Variants in PAX8 observed in about 807,000 individuals in gnomAD.
PAX8 encodes paired box 8.
A neutral mutation model predicts 52.4 loss-of-function variants in PAX8; 15 were observed. That is an observed-to-expected ratio of 0.29 (90% CI 0.19 to 0.44). The LOEUF (loss-of-function observed/expected upper bound fraction) is 0.44. Ranked by LOEUF, PAX8 falls within the 20% of genes least tolerant of loss-of-function variation. The probability of loss-of-function intolerance (pLI) is 1.00; values close to 1 mark genes in which losing one functional copy is unlikely to be tolerated. For missense variants in PAX8, 554 were observed against 602.5 expected (o/e 0.92, Z 0.84); for synonymous variants, 284 against 249.7 (o/e 1.14, Z -1.29).
intron 2 of PAX8, chr2:113,269,964 A>G (rs1228484772): frequency 1.3e-5 from 2 of 152,170 alleles, no homozygotes; most frequent in Non-Finnish European, 2.9e-5. Flanking sequence ...TGTTTTCCCT[A>G]TGACTGGGTT....
At chr2:113,238,127 T>A (rs1690523688) in intron 7 of PAX8, 1 of 145,482 alleles carries the variant, frequency 6.9e-6, no homozygotes, top group Non-Finnish European at 1.5e-5. Flanking sequence ...TGGAGTGCAA[T>A]GGTGCGATCT....
chr2:113,264,642 A>G (rs930536429), intron 2 of PAX8, among the ~76,000 whole-genome samples: 4 of 152,222 alleles, frequency 2.6e-5, no homozygotes, highest in Admixed American at 1.3e-4. Context: ...GTTCTTTTCT[A>G]GCTCAGAGGC....
At chr2:113,226,197 C>A (rs1425725425) in intron 10 of PAX8, 6 of 985,256 alleles carry the variant, frequency 6.1e-6, no homozygotes, top group Non-Finnish European at 7.2e-6. Flanking sequence ...TAACTCCTGC[C>A]GGCAAGGAAG....
chr2:113,253,508 C>A (rs911508912), intron 2 of PAX8, among the ~76,000 whole-genome samples: 14 of 152,238 alleles, frequency 9.2e-5, no homozygotes, highest in African/African-American at 3.1e-4. Flanking sequence ...TGCCACCACA[C>A]TCTCTGCACC....
chr2:113,222,880 C>A (rs139449146), intron 10 of PAX8, among the ~76,000 whole-genome samples: 1 of 151,980 alleles, frequency 6.6e-6, no homozygotes, highest in Non-Finnish European at 1.5e-5. Flanking sequence ...TTAGCTCATC[C>A]CTGTCTCATG....
intron 5 of PAX8, among the ~76,000 whole-genome samples, 168 bp downstream of exon 5, chr2:113,242,522 A>G (rs1433354194): frequency 6.6e-6 from 1 of 152,112 alleles, no homozygotes. Flanking sequence ...GGAACAGGCC[A>G]GACTTCGTCG....
intron 2 of PAX8, among the ~76,000 whole-genome samples, chr2:113,257,434 A>G (rs955310827): frequency 5.3e-5 from 8 of 152,162 alleles, no homozygotes; most frequent in African/African-American, 1.2e-4. Context: ...CTTGTCTACT[A>G]CACTCTGAGG....
chr2:113,242,274 G>T (rs952557772), intron 5 of PAX8, 144 bp from the exon 6 acceptor site: 2 of 666,432 alleles, frequency 3.0e-6, no homozygotes, highest in African/African-American at 1.8e-5. Flanking sequence ...ACCCCTTACA[G>T]CCCTGGGGTG....
chr2:113,269,084 A>T (rs1193615363), intron 2 of PAX8: 2 of 152,248 alleles, frequency 1.3e-5, no homozygotes, highest in Non-Finnish European at 2.9e-5. Context: ...TGCCAAAGAG[A>T]TGTAAGGCCT....
intron 9 of PAX8, 96 bp downstream of exon 9, chr2:113,235,298 G>C: frequency 9.6e-7 from 1 of 1,043,710 alleles, no homozygotes; most frequent in East Asian, 2.6e-5. Flanking sequence ...GGGGGTGGAT[G>C]AGACTGAGGC....
chr2:113,265,060 T>C (rs1221012748), intron 2 of PAX8, among the ~76,000 whole-genome samples: 1 of 152,232 alleles, frequency 6.6e-6, no homozygotes, highest in East Asian at 1.9e-4. Context: ...AGAAATCTGA[T>C]TATTTTGGAA....
intron 10 of PAX8, chr2:113,226,123 G>A (rs1025601783): frequency 2.0e-6 from 2 of 985,294 alleles, no homozygotes; most frequent in African/African-American, 3.5e-5. Context: ...CCTTCCCTCT[G>A]CCCAGGAGAT....
chr2:113,261,613 A>T (rs1692684447), intron 2 of PAX8, among the ~76,000 whole-genome samples: 2 of 152,184 alleles, frequency 1.3e-5, no homozygotes, highest in South Asian at 4.1e-4. Context: ...AGGATCCTTG[A>T]CCAGGAAGGA....
intron 4 of PAX8, among the ~76,000 whole-genome samples, chr2:113,243,873 C>G (rs966934943): frequency 6.6e-6 from 1 of 152,202 alleles, no homozygotes; most frequent in African/African-American, 2.4e-5. Context: ...GGACTTACAG[C>G]TGCATTTTTA....
intron 2 of PAX8, chr2:113,275,322 T>C (rs1693725492): frequency 6.6e-6 from 1 of 152,336 alleles, no homozygotes; most frequent in African/African-American, 2.4e-5. Context: ...GGAACCATCT[T>C]GAAACAAAGA....
intron 9 of PAX8, among the ~76,000 whole-genome samples, chr2:113,234,316 G>A (rs572394571): frequency 6.6e-6 from 1 of 152,276 alleles, no homozygotes; most frequent in East Asian, 1.9e-4. Flanking sequence ...CTGGATGAGC[G>A]AAGGTCCTTC....
chr2:113,277,163 G>A (rs1693875255), intron 2 of PAX8, among the ~76,000 whole-genome samples: 1 of 152,174 alleles, frequency 6.6e-6, no homozygotes, highest in Non-Finnish European at 1.5e-5. Flanking sequence ...TCTGGGGGCA[G>A]CCGGACGATT....
At chr2:113,277,962 G>A (rs1453296398) in intron 2 of PAX8, among the ~76,000 whole-genome samples, 1 of 152,208 alleles carries the variant, frequency 6.6e-6, no homozygotes, top group Non-Finnish European at 1.5e-5. Context: ...GAAGGACTGC[G>A]CGCACCCGAG....
intron 7 of PAX8, chr2:113,239,934 C>CA (rs2104477134): frequency 6.6e-6 from 1 of 152,294 alleles, no homozygotes; most frequent in East Asian, 1.9e-4. Context: ...CCTGAAAGCT[C>CA]AAAGACTTTC....
Sources: gnomAD v4.1 joint callset for allele counts (sites outside exome capture counted in the v4.1 genomes callset) on GRCh38, gnomAD v4.1.1 for gene constraint, MANE v1.5 for transcripts, NCBI Gene and HGNC (gene_info 2026-07-23, HGNC 2026-07-21) for gene names.